PRDM5: variants seen among roughly 807,000 people sequenced by gnomAD.
PRDM5 encodes PR/SET domain 5.
In PRDM5, 56 loss-of-function variants were observed where a neutral mutation model predicts 81.2. The observed-to-expected ratio is 0.69, with a 90% confidence interval of 0.56 to 0.86. The LOEUF is 0.86. Among genes scored for constraint, PRDM5 ranks in the 40% least tolerant of loss-of-function variants. The pLI is 0.00. For missense variants in PRDM5, 697 were observed against 770.1 expected (o/e 0.91, Z 1.12); for synonymous variants, 267 against 256.4 (o/e 1.04, Z -0.39).
chr4:120,868,249 T>C lies in PRDM5; in HGVS notation c.178-14709A>G, dbSNP rs553000836. Among the ~76,000 whole-genome samples, 8 of 152,300 alleles carry C rather than the reference T, an allele frequency of 5.3e-5. No individual in the cohort carries two copies. In the East Asian group the frequency reaches 1.2e-3, roughly 22 times the overall value. On this transcript the variant is annotated intron_variant, in intron 2 of 15. Transcript: ENST00000264808. ...GCATAGCTGATTTTAAAAAAACTTA[T>C]TGGAAAAGAAAATATGGCATATATA... is the stretch of plus-strand genomic sequence containing the variant.
chr4:120,852,355 T>C (rs1448929119), intron 3 of PRDM5, among the ~76,000 whole-genome samples: 1 of 152,156 alleles, frequency 6.6e-6, no homozygotes, highest in Non-Finnish European at 1.5e-5. Context: ...AAGATTAACA[T>C]TTAAATCAGG....
At chr4:120,917,130 G>A (rs1169090019) in intron 1 of PRDM5, among the ~76,000 whole-genome samples, 1 of 152,124 alleles carries the variant, frequency 6.6e-6, no homozygotes, top group Non-Finnish European at 1.5e-5. Flanking sequence ...CCCTTCATTA[G>A]CCCTCTGACC....
intron 2 of PRDM5, among the ~76,000 whole-genome samples, chr4:120,870,420 C>T (rs1761654622): frequency 6.6e-6 from 1 of 152,118 alleles, no homozygotes; most frequent in Non-Finnish European, 1.5e-5. Flanking sequence ...AGATCAACAT[C>T]TAGGACCTGC....
At chr4:120,690,173 G>C (rs1269333996), downstream of PRDM5, among the ~76,000 whole-genome samples, 3 of 152,200 alleles carry the variant, frequency 2.0e-5, no homozygotes, top group East Asian at 1.9e-4. Flanking sequence ...TATAGAGTTG[G>C]GGTCAATGTA....
chr4:120,686,876 A>T (rs577811584), intron 1 of PRDM5, among the ~76,000 whole-genome samples: 111 of 152,042 alleles, frequency 7.3e-4, no homozygotes, highest in African/African-American at 2.4e-3. Flanking sequence ...GTTACAAATC[A>T]CTCCTTCAAA....
chr4:120,788,358 T>C (rs906906288), intron 10 of PRDM5, among the ~76,000 whole-genome samples: 1 of 152,156 alleles, frequency 6.6e-6, no homozygotes, highest in East Asian at 1.9e-4. Context: ...CATACATATA[T>C]GCACACAGAA....
chr4:120,689,967 G>T (rs552834270), downstream of PRDM5, among the ~76,000 whole-genome samples: 13 of 152,094 alleles, frequency 8.5e-5, no homozygotes, highest in African/African-American at 2.9e-4. Flanking sequence ...CCATCAGTTT[G>T]CCAATTTAAA....
intron 2 of PRDM5, among the ~76,000 whole-genome samples, chr4:120,872,163 A>AAAAAAACAAACAAAC (rs1761890710): frequency 3.4e-5 from 5 of 147,980 alleles, no homozygotes; most frequent in African/African-American, 1.2e-4. Context: ...AAAAAAAAAA[A>AAAAAAACAAACAAAC]AAAAAAAAAA....
intron 2 of PRDM5, among the ~76,000 whole-genome samples, chr4:120,870,441 C>T (rs935431483): frequency 6.6e-6 from 1 of 152,052 alleles, no homozygotes; most frequent in Admixed American, 6.6e-5. Context: ...TTGGAAAGAG[C>T]TCACAGTCTA....
chr4:120,712,733 T>A (rs1737191002), intron 14 of PRDM5, among the ~76,000 whole-genome samples: 1 of 152,240 alleles, frequency 6.6e-6, no homozygotes, highest in Non-Finnish European at 1.5e-5. Flanking sequence ...AACATTATCC[T>A]CACAAGTTTC....
intron 2 of PRDM5, among the ~76,000 whole-genome samples, chr4:120,858,291 TAAGGCCA>T (rs1760112134): frequency 6.6e-6 from 1 of 152,202 alleles, no homozygotes; most frequent in Non-Finnish European, 1.5e-5. Flanking sequence ...TTAACTAAAG[TAAGGCCA>T]TATGCCTTGC....
At chr4:120,890,709 T>G (rs939369364) in intron 2 of PRDM5, among the ~76,000 whole-genome samples, 1 of 152,232 alleles carries the variant, frequency 6.6e-6, no homozygotes, top group East Asian at 1.9e-4. Context: ...GATTTGCATA[T>G]CTCTAATGAT....
At chr4:120,839,256 C>T (rs778219080) in intron 3 of PRDM5, 33 of 702,962 alleles carry the variant, frequency 4.7e-5, no homozygotes, top group Non-Finnish European at 7.3e-5. Flanking sequence ...CGCCATTCGG[C>T]GGGTCCCAAA....
At chr4:120,710,194 T>C in intron 15 of PRDM5, 115 bp downstream of exon 15, 1 of 879,772 alleles carries the variant, frequency 1.1e-6, no homozygotes, top group South Asian at 1.4e-5. Flanking sequence ...CATAGGCACA[T>C]TCCAGCAATG....
intron 10 of PRDM5, among the ~76,000 whole-genome samples, chr4:120,789,824 C>T (rs1460079497): frequency 1.3e-5 from 2 of 152,122 alleles, no homozygotes; most frequent in Non-Finnish European, 2.9e-5. Context: ...AAATGGGTAG[C>T]TCACTCCACA....
At chr4:120,890,021 T>C (rs168225) in intron 2 of PRDM5, among the ~76,000 whole-genome samples, 15,563 of 152,230 alleles carry the variant, frequency 0.1, 1,507 homozygotes, top group African/African-American at 0.25. Flanking sequence ...TGCATGCATC[T>C]TTAAGGTATA....
chr4:120,771,752 A>G (rs1272023591), intron 13 of PRDM5, among the ~76,000 whole-genome samples: 1 of 152,202 alleles, frequency 6.6e-6, no homozygotes, highest in Admixed American at 6.5e-5. Flanking sequence ...AAATAAACGT[A>G]AGAAGAAAAG....
rs183030380 is a variant in PRDM5 at position 120,767,273 on chromosome 4, A to T, written c.1537+9915T>A. ...GCCAATTAACAAAAACACTTGTTTT[A>T]AAAAAAAAATAATATGTATGAAGGA... On this transcript the variant is annotated intron_variant, in intron 13 of 15. Coordinates refer to ENST00000264808, the MANE Select transcript of PRDM5 (RefSeq NM_018699.4). 5.3e-4 allele frequency among the ~76,000 whole-genome samples: 79 copies of T among 150,150 alleles called. 2 individuals are homozygous for T. Among genetic ancestry groups the T allele is most frequent in the Middle Eastern group, 3.5e-3 (1 of 286 alleles).
chr4:120,763,985 C>T (rs1021687775), intron 13 of PRDM5, among the ~76,000 whole-genome samples: 23 of 149,710 alleles, frequency 1.5e-4, no homozygotes, highest in African/African-American at 5.6e-4. Flanking sequence ...AAGCATAGTG[C>T]CGATTTGCAG....
Sources: gnomAD v4.1 joint callset for allele counts (sites outside exome capture counted in the v4.1 genomes callset) on GRCh38, gnomAD v4.1.1 for gene constraint, MANE v1.5 for transcripts, NCBI Gene and HGNC (gene_info 2026-07-23, HGNC 2026-07-21) for gene names.